The following MX1 variants were observed in gnomAD, a reference collection of about 807,000 sequenced individuals.
The protein encoded by MX1 is interferon-induced GTP-binding protein Mx1.
A neutral mutation model predicts 66.4 loss-of-function variants in MX1; 66 were observed. The observed-to-expected ratio is 0.99, with a 90% CI of 0.82 to 1.22. The LOEUF (loss-of-function observed/expected upper bound fraction) is 1.22, where lower values mean the gene tolerates loss of function less well. Ranked by LOEUF, MX1 falls within the 50% of genes most tolerant of loss-of-function variation. The probability of loss-of-function intolerance (pLI) is 0.00; values close to 1 mark genes in which losing one functional copy is unlikely to be tolerated. For synonymous variants in MX1, 311 were observed against 318.1 expected (o/e 0.98, Z 0.24); for missense variants, 787 against 834.3 (o/e 0.94, Z 0.70).
chr21:41,427,129 T>TA (rs1182466037), intron 1 of MX1, 77 bp from the exon 2 acceptor site: 10 of 152,284 alleles, frequency 6.6e-5, no homozygotes, highest in Admixed American at 1.3e-4. Flanking sequence ...TAGAGTCCAG[T>TA]GATGCTAACC....
At chr21:41,440,175 G>C (rs886505827) in intron 8 of MX1, among the ~76,000 whole-genome samples, 1 of 152,170 alleles carries the variant, frequency 6.6e-6, no homozygotes, top group Non-Finnish European at 1.5e-5. Context: ...GTATTAGGAA[G>C]GGGTCTTATG....
At chr21:41,421,399 T>G (rs2089992198), upstream of MX1, 2 of 152,266 alleles carry the variant, frequency 1.3e-5, no homozygotes, top group African/African-American at 4.8e-5. Context: ...ATATTAATCC[T>G]CCTCAGCACA....
Position 41,442,022 on chromosome 21 carries a change from T to TGTGTGC in MX1, c.929+111_929+112insTGCGTG, listed in dbSNP as rs1329927424. The TGTGTGC allele has an allele frequency of 9.6e-4, 971 of 1,015,322 alleles. 3 individuals are homozygous for TGTGTGC. The highest frequency in any genetic ancestry group is 3.6e-3 in the Middle Eastern group (15 of 4,180). 62.9% of individuals were successfully genotyped at this position (1,015,322 alleles called of 1,614,324 possible). A position where few individuals can be genotyped will look rare whatever the true frequency, so the allele number is the denominator to read the frequency against. Reference sequence around the variant, plus strand: ...GATGTGTGGAGTGTGTGTGTGTGTGTGTGCGTGTGTGTGTGTGCGCGTGTG... The same window carrying TGTGTGC: ...GATGTGTGGAGTGTGTGTGTGTGTGTGTGTGCGTGCGTGTGTGTGTGTGCGCGTGTG... On this transcript the variant is annotated intron_variant, in intron 10 of 16. Transcript: ENST00000398598.
At position 41,458,880 on chromosome 21, in the gene MX1, G is replaced by A. The variant is rs553430663; in HGVS notation, c.*122G>A. 54 of 1,434,544 alleles carry A rather than the reference G, an allele frequency of 3.8e-5. No homozygotes were observed. The highest frequency in any genetic ancestry group is 3.0e-4 in the African/African-American group (21 of 70,176). 88.9% of individuals were successfully genotyped at this position (1,434,544 alleles called of 1,614,324 possible). On this transcript the variant is annotated 3_prime_UTR_variant, in exon 17 of 17. Transcript: ENST00000398598. ...CTGGATAGTCCGTCTCTGCTTATCC[G>A]TTAGCCGTGGTGATTTAGCAGGAAG... is the stretch of plus-strand genomic sequence containing the variant.
Position 41,441,049 on chromosome 21 carries a change from T to G in MX1, c.730+24T>G. On this transcript the variant is annotated intron_variant, in intron 9 of 16. Coordinates refer to ENST00000398598, the MANE Select transcript of MX1 (RefSeq NM_002462.5). The surrounding 1 kb of genome is among the most constrained non-coding windows in gnomAD (Gnocchi z 4.0). ...CGGTGAGAGTGGGGGAGCCCCACTG[T>G]GCTCAGTGAGAATGGGGGAGCCCGC... The G allele has an allele frequency of 6.2e-7, 1 of 1,608,656 alleles. No individual in the cohort carries two copies.
intron 16 of MX1, among the ~76,000 whole-genome samples, chr21:41,456,985 C>T (rs888002094): frequency 6.6e-5 from 10 of 152,210 alleles, no homozygotes; most frequent in African/African-American, 1.9e-4. Flanking sequence ...TGGTCTTGAA[C>T]GCCTGACCAT....
intron 15 of MX1, 90 bp downstream of exon 15, chr21:41,451,333 C>G: frequency 1.2e-6 from 1 of 868,742 alleles, no homozygotes; most frequent in Non-Finnish European, 1.9e-6. Flanking sequence ...AGGATTATTT[C>G]AACTTTATTG....
intron 14 of MX1, chr21:41,450,804 C>A (rs58609335): frequency 0.35 from 52,325 of 151,350 alleles, 10,018 homozygotes; most frequent in African/African-American, 0.52. Flanking sequence ...GTATTTTTTT[C>A]AAATGGATAA....
intron 11 of MX1, among the ~76,000 whole-genome samples, chr21:41,444,975 A>C (rs1433039702): frequency 6.6e-6 from 1 of 152,226 alleles, no homozygotes; most frequent in Non-Finnish European, 1.5e-5. Context: ...AGGGTGAGCC[A>C]GCATATGGCG....
chr21:41,442,006 A>AT (rs145807679), intron 10 of MX1, 92 bp downstream of exon 10: 1 of 909,320 alleles, frequency 1.1e-6, no homozygotes, highest in East Asian at 2.6e-5. Context: ...AGATGTGTGG[A>AT]GTGTGTGTGT....
intron 5 of MX1, among the ~76,000 whole-genome samples, chr21:41,432,807 G>A (rs925488290): frequency 7.9e-5 from 12 of 152,152 alleles, no homozygotes; most frequent in Admixed American, 1.3e-4. Context: ...TCTTATTACC[G>A]TGGATCACTG....
intron 7 of MX1, 26 bp downstream of exon 7, chr21:41,437,178 G>C (rs1030165349): frequency 6.2e-7 from 1 of 1,613,180 alleles, no homozygotes; most frequent in Non-Finnish European, 8.5e-7. Context: ...TTGGATGCCT[G>C]GTCAAGCCTT....
chr21:41,446,330 C>A (rs751206811), intron 13 of MX1, among the ~76,000 whole-genome samples, 189 bp downstream of exon 13: 63 of 152,184 alleles, frequency 4.1e-4, no homozygotes, highest in Non-Finnish European at 8.4e-4. Flanking sequence ...GCTGTGTCCT[C>A]TCATGGGATA....
intron 7 of MX1, 70 bp downstream of exon 7, chr21:41,437,222 T>A: frequency 1.3e-6 from 2 of 1,557,554 alleles, no homozygotes; most frequent in Non-Finnish European, 1.8e-6. Flanking sequence ...TAACTGTTCA[T>A]ACTCCCACCT....
In MX1 at chr21:41,457,525, G is replaced by A. The variant is rs970561249; in HGVS notation, c.1759-1003G>A. 5.3e-5 allele frequency among the ~76,000 whole-genome samples: 8 copies of A among 152,150 alleles called. No homozygotes were observed. In the East Asian group the frequency reaches 1.5e-3, roughly 29 times the overall value. ...GATCCAGATGGCAGCAGAGGTCCCA[G>A]TCCCATCCTGGAAGGGTCGTCTAGT... On this transcript the variant is annotated intron_variant, in intron 16 of 16. Transcript: ENST00000398598.
intron 16 of MX1, among the ~76,000 whole-genome samples, chr21:41,453,843 G>A (rs11911766): frequency 0.2 from 30,144 of 152,148 alleles, 3,518 homozygotes; most frequent in East Asian, 0.42. Flanking sequence ...TCTGGTTGAC[G>A]ATTGCTTGAA....
Position 41,432,143 on chromosome 21 carries a change from G to A in MX1, c.73G>A (p.Asp25Asn), listed in dbSNP as rs1361892826. ...AASHPLLLNG[D>N]ATVAQKNPGS... ...ATCCCACCCTCTATTACTGAATGGA[G>A]ATGCTACTGTGGCCCAGAAAAATCC... is the stretch of plus-strand genomic sequence containing the variant. Residue 25 changes from aspartate (D) to asparagine (N), a missense_variant, in exon 5 of 17, where the codon GAT (aspartate) becomes AAT (asparagine). Asp to Asn is a conservative substitution (Grantham distance 23, BLOSUM62 1). Transcript: ENST00000398598. 6.2e-7 allele frequency: 1 copy of A among 1,614,036 alleles called. No homozygotes were observed. The highest frequency in any genetic ancestry group is 1.7e-5 in the Admixed American group (1 of 60,016).
chr21:41,420,975 G>C (rs2089986972), intron 1 of MX1, among the ~76,000 whole-genome samples: 2 of 152,210 alleles, frequency 1.3e-5, no homozygotes, highest in Non-Finnish European at 2.9e-5. Context: ...AAAGAAATAA[G>C]GGGACCCAGG....
At chr21:41,435,728 T>G in intron 5 of MX1, 109 bp from the exon 6 acceptor site, 2 of 1,218,184 alleles carry the variant, frequency 1.6e-6, no homozygotes, top group Non-Finnish European at 2.3e-6. Flanking sequence ...CACGTAGGGA[T>G]TATGGGGATT....
Sources: allele counts gnomAD v4.1 joint callset (sites outside exome capture counted in the v4.1 genomes callset), GRCh38; gene constraint gnomAD v4.1.1; non-coding constraint Gnocchi (gnomAD v3.1); transcripts MANE v1.5; gene names NCBI Gene and HGNC (gene_info 2026-07-23, HGNC 2026-07-21).